The following CFAP210 variants were observed in gnomAD, a reference collection of about 807,000 sequenced individuals.
CFAP210 encodes cilia- and flagella- associated protein 210.
chr2:169,658,188 C>A, the CFAP210 span: 1 of 152,158 alleles, frequency 6.6e-6, no homozygotes, highest in East Asian at 1.9e-4. Context: ...AAACACATAA[C>A]ATACACCCTT....
the CFAP210 span, among the ~76,000 whole-genome samples, chr2:169,692,897 G>A: frequency 1.4e-4 from 22 of 152,154 alleles, no homozygotes; most frequent in African/African-American, 4.8e-4. Flanking sequence ...AGGCTGACAC[G>A]GGGCTGGGAG....
chr2:169,675,095 C>T, the CFAP210 span: 3 of 1,235,852 alleles, frequency 2.4e-6, no homozygotes, highest in Non-Finnish European at 3.2e-6. Context: ...AATTTTACTA[C>T]AGTTTAACAT....
chr2:169,677,983 G>A, the CFAP210 span, among the ~76,000 whole-genome samples: 20 of 151,938 alleles, frequency 1.3e-4, no homozygotes, highest in African/African-American at 4.1e-4. Flanking sequence ...AAATATTTAG[G>A]GATAAATCCA....
the CFAP210 span, among the ~76,000 whole-genome samples, chr2:169,677,176 TCA>T: frequency 4.6e-5 from 7 of 152,308 alleles, no homozygotes; most frequent in Admixed American, 1.3e-4. Flanking sequence ...CCTTGGTTCT[TCA>T]CAGTTTCGAG....
the CFAP210 span, among the ~76,000 whole-genome samples, chr2:169,649,614 G>C: frequency 2.6e-5 from 4 of 152,120 alleles, no homozygotes; most frequent in Non-Finnish European, 5.9e-5. Flanking sequence ...TCAAGGAAGG[G>C]AAATATATGT....
At chr2:169,649,950 A>G in the CFAP210 span, among the ~76,000 whole-genome samples, 1 of 152,104 alleles carries the variant, frequency 6.6e-6, no homozygotes, top group African/African-American at 2.4e-5. Context: ...TCCAATGTGT[A>G]TAAACTATCC....
the CFAP210 span, chr2:169,674,660 A>G: frequency 1.6e-5 from 26 of 1,610,200 alleles, no homozygotes; most frequent in East Asian, 5.4e-4. Flanking sequence ...AGCTTTTTCA[A>G]TGTTGAGTTT....
At chr2:169,678,328 C>T in the CFAP210 span, among the ~76,000 whole-genome samples, 17 of 101,956 alleles carry the variant, frequency 1.7e-4, no homozygotes, top group South Asian at 1.2e-3. Flanking sequence ...GCAACAAGAG[C>T]GAAACTCTGT....
the CFAP210 span, chr2:169,681,221 G>A: frequency 6.2e-7 from 1 of 1,607,462 alleles, no homozygotes; most frequent in Non-Finnish European, 8.5e-7. Flanking sequence ...ATCTTCTTCA[G>A]AGTTTCTTAT....
chr2:169,647,627 C>T, the CFAP210 span, among the ~76,000 whole-genome samples: 1 of 152,062 alleles, frequency 6.6e-6, no homozygotes, highest in South Asian at 2.1e-4. Flanking sequence ...TTAAAGACTT[C>T]AACAAGTAAA....
At chr2:169,663,297 G>C in the CFAP210 span, among the ~76,000 whole-genome samples, 1 of 149,874 alleles carries the variant, frequency 6.7e-6, no homozygotes, top group African/African-American at 2.5e-5. Flanking sequence ...TCCTGAAAAG[G>C]TAGGCATAGG....
chr2:169,678,396 TAGAG>T, the CFAP210 span, among the ~76,000 whole-genome samples: 2 of 120,600 alleles, frequency 1.7e-5, no homozygotes, highest in Admixed American at 8.3e-5. Flanking sequence ...CTTAAACAAA[TAGAG>T]AGAATATGTT....
At chr2:169,668,567 C>T in the CFAP210 span, among the ~76,000 whole-genome samples, 8 of 152,216 alleles carry the variant, frequency 5.3e-5, no homozygotes, top group South Asian at 2.1e-4. Context: ...AAGTGAGAGA[C>T]GTGCAACTCT....
chr2:169,645,885 A>G, the CFAP210 span: 2 of 1,613,292 alleles, frequency 1.2e-6, no homozygotes, highest in African/African-American at 1.3e-5. Context: ...TGAAAATTAT[A>G]TTTTGGTCCC....
At chr2:169,674,685 A>T in the CFAP210 span, 2 of 1,610,286 alleles carry the variant, frequency 1.2e-6, no homozygotes, top group Non-Finnish European at 1.7e-6. Flanking sequence ...TGTTCCTCCC[A>T]TTTTTTATCT....
chr2:169,661,285 G>A, the CFAP210 span: 1 of 541,792 alleles, frequency 1.8e-6, no homozygotes. Context: ...GATGCCGTTT[G>A]CATCTTTTAA....
the CFAP210 span, among the ~76,000 whole-genome samples, chr2:169,651,522 G>A: frequency 2.0e-5 from 3 of 151,932 alleles, no homozygotes; most frequent in East Asian, 5.9e-4. Context: ...AGCCCAGCTA[G>A]TTTTTTTATT....
chr2:169,684,636 T>C, the CFAP210 span, among the ~76,000 whole-genome samples: 1 of 143,524 alleles, frequency 7.0e-6, no homozygotes, highest in East Asian at 2.0e-4. Context: ...GTATCAATAC[T>C]TGATTCCTTT....
the CFAP210 span, among the ~76,000 whole-genome samples, chr2:169,676,089 C>T: frequency 2.6e-5 from 4 of 152,188 alleles, no homozygotes; most frequent in Non-Finnish European, 5.9e-5. Flanking sequence ...TAATCTCTTT[C>T]ATATGCCAAT....
Sources: gnomAD v4.1 joint callset for allele counts (sites outside exome capture counted in the v4.1 genomes callset) on GRCh38, gnomAD v4.1.1 for gene constraint, MANE v1.5 for transcripts, NCBI Gene and HGNC (gene_info 2026-07-23, HGNC 2026-07-21) for gene names.